SERPINB7: variants seen among roughly 807,000 people sequenced by gnomAD.
SERPINB7 encodes the protein serpin B7.
Under a neutral mutation model 37.4 loss-of-function variants are expected in SERPINB7, and 31 were observed. The observed-to-expected ratio is 0.83, with a 90% CI of 0.62 to 1.12. The LOEUF is 1.12. SERPINB7 is among the 50% of genes most tolerant of loss of function. The pLI, the probability that SERPINB7 is intolerant of heterozygous loss-of-function variation, is 0.00. For synonymous variants in SERPINB7, 163 were observed against 166.1 expected, an observed-to-expected ratio of 0.98 and a Z score of 0.14; for missense variants, 521 against 455.3, an observed-to-expected ratio of 1.14 and a Z score of -1.31.
chr18:63,791,663 T>C (rs1307136874), intron 2 of SERPINB7, among the ~76,000 whole-genome samples: 1 of 152,040 alleles, frequency 6.6e-6, no homozygotes, highest in Admixed American at 6.6e-5. Flanking sequence ...CAGGCTGGAG[T>C]GCAGTGGTGC....
At chr18:63,762,199 A>G (rs548255160) in intron 1 of SERPINB7, among the ~76,000 whole-genome samples, 2 of 152,322 alleles carry the variant, frequency 1.3e-5, no homozygotes, top group South Asian at 4.1e-4. Flanking sequence ...CCTGTGAAGA[A>G]AATTCGTTCA....
chr18:63,759,923 G>C (rs1217741768), intron 1 of SERPINB7, among the ~76,000 whole-genome samples: 1 of 152,118 alleles, frequency 6.6e-6, no homozygotes, highest in Admixed American at 6.5e-5. Flanking sequence ...TTTCTTCCCA[G>C]TCTCAGGTAT....
intron 2 of SERPINB7, among the ~76,000 whole-genome samples, chr18:63,791,159 A>G (rs1299190967): frequency 1.3e-5 from 2 of 152,138 alleles, no homozygotes; most frequent in East Asian, 1.9e-4. Context: ...AGGCTAGGGA[A>G]GGGATAGCAT....
At chr18:63,761,520 T>C (rs1363820174) in intron 1 of SERPINB7, among the ~76,000 whole-genome samples, 1 of 151,938 alleles carries the variant, frequency 6.6e-6, no homozygotes, top group African/African-American at 2.4e-5. Context: ...GGACATGAGA[T>C]TTGGAGGGGC....
intron 1 of SERPINB7, 26 bp from the exon 2 acceptor site, chr18:63,782,329 A>G: frequency 7.5e-7 from 1 of 1,338,566 alleles, no homozygotes; most frequent in Admixed American, 2.4e-5. Flanking sequence ...ACCGGGAACT[A>G]ATTTCATTTT....
chr18:63,771,942 G>C (rs1247385755), upstream of SERPINB7, among the ~76,000 whole-genome samples: 1 of 151,768 alleles, frequency 6.6e-6, no homozygotes, highest in Non-Finnish European at 1.5e-5. Flanking sequence ...GGCACCCTAG[G>C]ATCTATTTCA....
At chr18:63,760,268 C>T (rs1249063746) in intron 1 of SERPINB7, among the ~76,000 whole-genome samples, 1 of 152,144 alleles carries the variant, frequency 6.6e-6, no homozygotes, top group African/African-American at 2.4e-5. Flanking sequence ...CTTTTTGCCC[C>T]TGCCCTAGAG....
chr18:63,794,110 A>ATTTTTTTTTTTTTTTTTTT (rs34450022), intron 4 of SERPINB7, among the ~76,000 whole-genome samples: 10 of 105,572 alleles, frequency 9.5e-5, no homozygotes, highest in Non-Finnish European at 1.3e-4. Context: ...CATCCTGCTA[A>ATTTTTTTTTTTTTTTTTTT]TTTTTTTTTT....
chr18:63,791,645 C>A (rs894838992), intron 2 of SERPINB7, among the ~76,000 whole-genome samples: 3 of 152,000 alleles, frequency 2.0e-5, no homozygotes, highest in African/African-American at 7.2e-5. Flanking sequence ...GCGTCTCACT[C>A]TGTTGCCCAG....
chr18:63,794,466 G>A (rs888306183), intron 4 of SERPINB7, among the ~76,000 whole-genome samples: 2 of 151,970 alleles, frequency 1.3e-5, no homozygotes, highest in Admixed American at 6.6e-5. Context: ...CGAGGCGGGC[G>A]GATCACAAGG....
chr18:63,757,180 T>C (rs1316924065), intron 1 of SERPINB7, among the ~76,000 whole-genome samples: 1 of 152,172 alleles, frequency 6.6e-6, no homozygotes, highest in African/African-American at 2.4e-5. Flanking sequence ...TTTCACATTC[T>C]TTGTCTAGGA....
intron 7 of SERPINB7, among the ~76,000 whole-genome samples, chr18:63,803,502 C>A (rs553965516): frequency 5.3e-5 from 8 of 152,262 alleles, no homozygotes; most frequent in African/African-American, 1.9e-4. Context: ...AATTTATGAT[C>A]AATTCTCAGT....
intron 4 of SERPINB7, among the ~76,000 whole-genome samples, chr18:63,794,546 C>A (rs958231576): frequency 7.2e-5 from 11 of 151,920 alleles, no homozygotes; most frequent in Admixed American, 3.9e-4. Context: ...AAAAATTAGC[C>A]GGGCGCGGTG....
intron 1 of SERPINB7, among the ~76,000 whole-genome samples, chr18:63,753,647 A>G (rs550325735): frequency 2.0e-5 from 3 of 152,324 alleles, no homozygotes; most frequent in Non-Finnish European, 4.4e-5. Context: ...GTTACATGCC[A>G]ACTCCCAGGT....
chr18:63,771,622 T>A (rs75807940), upstream of SERPINB7, among the ~76,000 whole-genome samples: 355 of 152,250 alleles, frequency 2.3e-3, 2 homozygotes, highest in African/African-American at 7.7e-3. Flanking sequence ...AAAGGCATCC[T>A]TCTAAGGGTT....
In SERPINB7 at chr18:63,798,702, T is replaced by C. The variant is rs201244763; in HGVS notation, c.553T>C (p.Phe185Leu). 15 of 1,613,430 alleles carry C rather than the reference T, an allele frequency of 9.3e-6. No individual in the cohort carries two copies. The Admixed American group carries it at 1.8e-4, about 20-fold the overall frequency. Residue 185 changes from phenylalanine to leucine, a missense_variant, in exon 6 of 8, where the codon TTC (phenylalanine) becomes CTC (leucine). Coordinates refer to ENST00000398019, the MANE Select transcript of SERPINB7 (RefSeq NM_003784.4). ...VYFKGKWQSA[F>L]TKSETINCHF... ...CTTCAAAGGCAAGTGGCAATCAGCC[T>C]TCACCAAGAGCGAAACCATAAATTG... is the stretch of plus-strand genomic sequence containing the variant.
At chr18:63,793,081 T>G in intron 3 of SERPINB7, 80 bp from the exon 4 acceptor site, 1 of 661,954 alleles carries the variant, frequency 1.5e-6, no homozygotes, top group Non-Finnish European at 2.5e-6. Flanking sequence ...ATAATTTGCA[T>G]GTTTTGTTTT....
At position 63,801,027 on chromosome 18, in the gene SERPINB7, T is replaced by C. The variant is rs535760382; in HGVS notation, c.744+15T>C. On this transcript the variant is annotated intron_variant, in intron 7 of 7. Transcript: ENST00000398019. ...ACCTCTCTGAAGTAAGTTACGACTG[T>C]CATTTTCACTATTGGGAAATAAGAC... is the stretch of plus-strand genomic sequence containing the variant. 4 of 1,609,880 alleles carry C rather than the reference T, an allele frequency of 2.5e-6. No homozygotes were observed. The highest frequency in any genetic ancestry group is 8.5e-7 in the Non-Finnish European group (1 of 1,178,302).
intron 1 of SERPINB7, among the ~76,000 whole-genome samples, chr18:63,756,845 T>TGTGTGTGC (rs56097145): frequency 2.7e-5 from 4 of 149,190 alleles, no homozygotes; most frequent in Admixed American, 6.7e-5. Context: ...TGTGTGTGTG[T>TGTGTGTGC]TCTGTGAGTA....
Sources: allele counts gnomAD v4.1 joint callset (sites outside exome capture counted in the v4.1 genomes callset), GRCh38; gene constraint gnomAD v4.1.1; transcripts MANE v1.5; gene names NCBI Gene and HGNC (gene_info 2026-07-23, HGNC 2026-07-21).